Variants in CLASP1 observed in about 807,000 individuals in gnomAD.
CLASP1 encodes CLIP-associating protein 1.
CLASP1 carries 38 observed loss-of-function variants against 192.3 expected under a neutral mutation model. The ratio of observed to expected loss-of-function variants is 0.20; its 90% confidence interval spans 0.15 to 0.26. The LOEUF (loss-of-function observed/expected upper bound fraction) is 0.26, where lower values mean the gene tolerates loss of function less well. Ranked by LOEUF, CLASP1 falls within the 10% of genes least tolerant of loss-of-function variation. The pLI is 1.00. For missense variants in CLASP1, 1,433 were observed against 1,932.5 expected, an observed-to-expected ratio of 0.74 and a Z score of 4.85; for synonymous variants, 691 against 712.8, an observed-to-expected ratio of 0.97 and a Z score of 0.49.
chr2:121,465,564 A>T (rs2149920894), intron 9 of CLASP1, among the ~76,000 whole-genome samples: 1 of 152,356 alleles, frequency 6.6e-6, no homozygotes. Context: ...ATGGGTAGGA[A>T]GAATCAATAT....
chr2:121,505,664 T>C (rs867158569), intron 7 of CLASP1, among the ~76,000 whole-genome samples: 1 of 152,204 alleles, frequency 6.6e-6, no homozygotes, highest in African/African-American at 2.4e-5. Context: ...TAACTAATGA[T>C]TACCCTCTGA....
intron 8 of CLASP1, among the ~76,000 whole-genome samples, chr2:121,498,505 C>A (rs1189711606): frequency 6.6e-6 from 1 of 151,904 alleles, no homozygotes; most frequent in Non-Finnish European, 1.5e-5. Flanking sequence ...CTGCACCTGG[C>A]CAAATATAGG....
At chr2:121,490,375 A>T (rs780156185) in intron 8 of CLASP1, 4 of 431,472 alleles carry the variant, frequency 9.3e-6, no homozygotes, top group African/African-American at 2.1e-5. Flanking sequence ...CAAACTCTCC[A>T]CCCACACTTG....
At chr2:121,375,361 ATTT>A (rs34714381) in intron 34 of CLASP1, among the ~76,000 whole-genome samples, 19 of 116,936 alleles carry the variant, frequency 1.6e-4, no homozygotes, top group African/African-American at 4.6e-4. Context: ...CTAGTTTCTG[ATTT>A]TTTTTTTTTT....
chr2:121,351,007 C>A (rs192417259), intron 37 of CLASP1, among the ~76,000 whole-genome samples: 21 of 152,264 alleles, frequency 1.4e-4, no homozygotes, highest in African/African-American at 4.3e-4. Flanking sequence ...CTGTCTGAGG[C>A]CAGGGAAAAC....
chr2:121,543,745 C>A (rs1282280980), intron 2 of CLASP1, among the ~76,000 whole-genome samples: 1 of 152,058 alleles, frequency 6.6e-6, no homozygotes, highest in Admixed American at 6.6e-5. Context: ...TTTCTATCTC[C>A]TTTATATGCA....
At chr2:121,375,419 AGT>A (rs1444846742) in intron 34 of CLASP1, among the ~76,000 whole-genome samples, 2 of 141,996 alleles carry the variant, frequency 1.4e-5, no homozygotes, top group African/African-American at 5.4e-5. Context: ...GCTGGAATGC[AGT>A]GGCACGATCT....
At chr2:121,565,926 T>C (rs1294913982) in intron 2 of CLASP1, among the ~76,000 whole-genome samples, 1 of 152,186 alleles carries the variant, frequency 6.6e-6, no homozygotes, top group Non-Finnish European at 1.5e-5. Context: ...GATTTATCTC[T>C]TTTCCGAAGA....
In CLASP1 at chr2:121,387,908, T is replaced by C; in HGVS notation, c.3124-2A>G. The C allele has an allele frequency of 6.2e-7, 1 of 1,604,290 alleles. No individual in the cohort carries two copies. The highest frequency in any genetic ancestry group is 8.5e-7 in the Non-Finnish European group (1 of 1,171,558). ...AGAGATTAGCACAATCTGTGCTGCC[T>C]AGAAAAAGGAACCATGATTAATTTA... On this transcript the variant is annotated splice_acceptor_variant, in intron 30 of 39. Transcript: ENST00000263710. LOFTEE classifies it high-confidence loss of function.
At chr2:121,422,113 G>T (rs1340078754) in intron 22 of CLASP1, among the ~76,000 whole-genome samples, 1 of 152,080 alleles carries the variant, frequency 6.6e-6, no homozygotes, top group African/African-American at 2.4e-5. Context: ...CATTTGATTG[G>T]TTTACATTTC....
chr2:121,397,348 A>C, intron 29 of CLASP1, 65 bp from the exon 31 acceptor site: 1 of 1,442,028 alleles, frequency 6.9e-7, no homozygotes, highest in Non-Finnish European at 9.6e-7. Flanking sequence ...AATTCTTATC[A>C]GGTGGCCAGA....
chr2:121,393,825 G>C (rs1245167546), intron 30 of CLASP1, among the ~76,000 whole-genome samples: 1 of 150,884 alleles, frequency 6.6e-6, no homozygotes, highest in Non-Finnish European at 1.5e-5. Flanking sequence ...AGTGCTGAAT[G>C]TTACTGAAAG....
intron 1 of CLASP1, among the ~76,000 whole-genome samples, chr2:121,631,375 C>A (rs1376091418): frequency 6.7e-6 from 1 of 149,176 alleles, no homozygotes; most frequent in Non-Finnish European, 1.5e-5. Flanking sequence ...GCAACTTCCG[C>A]CTCCTAGATT....
intron 2 of CLASP1, among the ~76,000 whole-genome samples, chr2:121,601,606 T>C (rs1262363162): frequency 6.6e-6 from 1 of 152,116 alleles, no homozygotes; most frequent in African/African-American, 2.4e-5. Context: ...AGTACAAATA[T>C]GCCCACTCTC....
intron 1 of CLASP1, among the ~76,000 whole-genome samples, chr2:121,646,854 G>A (rs959496070): frequency 8.7e-5 from 13 of 150,208 alleles, no homozygotes; most frequent in Admixed American, 2.0e-4. Context: ...TGGCTAACAC[G>A]GTGAAACCCC....
intron 2 of CLASP1, among the ~76,000 whole-genome samples, chr2:121,605,180 A>G (rs978153743): frequency 3.5e-5 from 5 of 143,018 alleles, no homozygotes; most frequent in African/African-American, 1.3e-4. Context: ...TAGATCCTGA[A>G]GGATATCCTC....
chr2:121,429,907 T>A lies in CLASP1; in HGVS notation c.2017+166A>T, dbSNP rs151279010. Among the ~76,000 whole-genome samples, 316 of 152,360 alleles carry A rather than the reference T, an allele frequency of 2.1e-3. 1 individual carries two copies. Among genetic ancestry groups the A allele is most frequent in the African/African-American group, 7.3e-3 (303 of 41,578 alleles). ...ACAAATGTATGCCTGAAATGTTTCA[T>A]TTTTTAAGCTTACCCAACAAACAGT... On this transcript the variant is annotated intron_variant, in intron 20 of 39. Coordinates refer to ENST00000263710, the Ensembl canonical transcript of CLASP1.
At chr2:121,425,185 C>T (rs1205138920) in exon 22 of CLASP1, 1 of 1,612,714 alleles carries the variant, frequency 6.2e-7, no homozygotes, top group Non-Finnish European at 8.5e-7. Context: ...ATCCCTGGCT[C>T]CTGGGAATCT....
chr2:121,404,015 A>G (rs1177053795), intron 26 of CLASP1, among the ~76,000 whole-genome samples: 2 of 152,336 alleles, frequency 1.3e-5, no homozygotes, highest in African/African-American at 2.4e-5. Context: ...CTTCACTACT[A>G]TAACATTAAA....
Sources: allele counts gnomAD v4.1 joint callset (sites outside exome capture counted in the v4.1 genomes callset), GRCh38; gene constraint gnomAD v4.1.1; transcripts MANE v1.5; gene names NCBI Gene and HGNC (gene_info 2026-07-23, HGNC 2026-07-21).